CACNA1A: variants seen among roughly 807,000 people sequenced by gnomAD.
The protein encoded by CACNA1A is voltage-dependent P/Q-type calcium channel subunit alpha-1A.
A neutral mutation model predicts 262.4 loss-of-function variants in CACNA1A; 57 were observed. That is an observed-to-expected ratio of 0.22 (90% CI 0.18 to 0.27). CACNA1A has a LOEUF of 0.27. Among genes scored for constraint, CACNA1A ranks in the 10% least tolerant of loss-of-function variants. The probability of loss-of-function intolerance (pLI) is 1.00; values close to 1 mark genes in which losing one functional copy is unlikely to be tolerated. For missense variants in CACNA1A, 2,526 were observed against 3,562.8 expected, an observed-to-expected ratio of 0.71 and a Z score of 7.41; for synonymous variants, 1,431 against 1,419.3, an observed-to-expected ratio of 1.01 and a Z score of -0.18.
chr19:13,207,304 C>A lies in CACNA1A; in HGVS notation c.*9G>T. On this transcript the variant is annotated 3_prime_UTR_variant, in exon 47 of 47. Transcript: ENST00000360228. This position sits in a 1 kb window ranked among gnomAD's most constrained non-coding sequence, Gnocchi z 5.7. ...GTGGGGGGCCGGGCGGGCGCCACCT[C>A]GCCCGGGCTTAGCACCAATCATCGT... 1 of 1,547,464 alleles carries A rather than the reference C, an allele frequency of 6.5e-7. No individual in the cohort carries two copies. The highest frequency in any genetic ancestry group is 8.7e-7 in the Non-Finnish European group (1 of 1,154,110).
chr19:13,439,390 TG>T (rs2060672205), intron 3 of CACNA1A, among the ~76,000 whole-genome samples: 1 of 146,932 alleles, frequency 6.8e-6, no homozygotes, highest in Non-Finnish European at 1.5e-5. Context: ...GTCTGGGTTC[TG>T]GGTTCTTCTT....
chr19:13,417,247 G>A (rs1599409067), intron 3 of CACNA1A, among the ~76,000 whole-genome samples: 1 of 152,180 alleles, frequency 6.6e-6, no homozygotes, highest in Non-Finnish European at 1.5e-5. Context: ...GAGAAGAAGC[G>A]CTGTGTTAAC....
chr19:13,330,958 C>T (rs1471283038), intron 9 of CACNA1A, among the ~76,000 whole-genome samples: 3 of 152,142 alleles, frequency 2.0e-5, no homozygotes, highest in African/African-American at 7.2e-5. Context: ...GTAGCATACT[C>T]GCTAGGCAGG....
intron 3 of CACNA1A, among the ~76,000 whole-genome samples, chr19:13,394,578 C>G (rs1175299484): frequency 1.3e-5 from 2 of 152,164 alleles, no homozygotes; most frequent in African/African-American, 2.4e-5. Context: ...CCTGCTTCTT[C>G]TCTTGAACAA....
chr19:13,421,913 C>T (rs899953833), intron 3 of CACNA1A, among the ~76,000 whole-genome samples: 6 of 152,240 alleles, frequency 3.9e-5, no homozygotes, highest in African/African-American at 4.8e-5. Flanking sequence ...GAAATAATGC[C>T]TATTCTGAGA....
chr19:13,262,569 C>G, intron 25 of CACNA1A, 165 bp downstream of exon 25: 1 of 607,582 alleles, frequency 1.6e-6, no homozygotes, highest in East Asian at 2.8e-5. Context: ...CACTTTACTG[C>G]CATCTGCTGG....
chr19:13,369,234 G>A (rs180817500), intron 4 of CACNA1A, among the ~76,000 whole-genome samples: 245 of 152,170 alleles, frequency 1.6e-3, no homozygotes, highest in Non-Finnish European at 1.0e-3. Context: ...TGCCCTTGGT[G>A]ATCAAAAGCT....
chr19:13,384,798 TGAGTAA>T (rs1343923904), intron 3 of CACNA1A, among the ~76,000 whole-genome samples: 1 of 151,512 alleles, frequency 6.6e-6, no homozygotes, highest in Non-Finnish European at 1.5e-5. Context: ...CGCACAGAGG[TGAGTAA>T]GAGTAAAGGA....
rs933973063 is a variant in CACNA1A at position 13,214,899 on chromosome 19, C to T, written c.5732-291G>A. 1.4e-5 allele frequency: 6 copies of T among 440,916 alleles called. No homozygotes were observed. The highest frequency in any genetic ancestry group is 7.5e-5 in the Admixed American group (2 of 26,838). The allele number at this position is 440,916 out of a possible 1,614,324, so 27.3% of individuals were successfully genotyped here. A position where few individuals can be genotyped will look rare whatever the true frequency, so the allele number is the denominator to read the frequency against. On this transcript the variant is annotated intron_variant, in intron 38 of 46. Transcript: ENST00000360228. The surrounding 1 kb of genome is among the most constrained non-coding windows in gnomAD (Gnocchi z 4.1). Reference sequence around the variant, plus strand: ...GGTCCCAATCTTGTCTCCCAGTTATCGGCTGCATGACTTAGGTTACTCTAC... The same window carrying T: ...GGTCCCAATCTTGTCTCCCAGTTATTGGCTGCATGACTTAGGTTACTCTAC...
chr19:13,321,031 T>TA (rs1190914850), intron 10 of CACNA1A, among the ~76,000 whole-genome samples: 2 of 129,368 alleles, frequency 1.5e-5, no homozygotes, highest in Non-Finnish European at 3.1e-5. Context: ...TTTCCTTTTT[T>TA]TTTTTTTTTC....
intron 19 of CACNA1A, among the ~76,000 whole-genome samples, chr19:13,288,083 G>A (rs866112245): frequency 2.6e-5 from 4 of 152,166 alleles, no homozygotes; most frequent in South Asian, 4.1e-4. Flanking sequence ...GATTACAGGC[G>A]TAAACCACAA....
intron 31 of CACNA1A, among the ~76,000 whole-genome samples, chr19:13,240,612 TGTGTGTGTGCA>T (rs776671347): frequency 1.3e-3 from 203 of 151,092 alleles, no homozygotes; most frequent in Non-Finnish European, 2.3e-3. Context: ...GCGCAGTGAT[TGTGTGTGTGCA>T]GTGTGTGTGC....
chr19:13,293,057 A>G (rs1002613053), intron 19 of CACNA1A, among the ~76,000 whole-genome samples: 1 of 152,168 alleles, frequency 6.6e-6, no homozygotes, highest in South Asian at 2.1e-4. Flanking sequence ...CCTCTGAAGA[A>G]GAGAGGGAGC....
chr19:13,267,140 G>A (rs900897780), intron 24 of CACNA1A, among the ~76,000 whole-genome samples: 4 of 152,080 alleles, frequency 2.6e-5, no homozygotes, highest in Admixed American at 6.5e-5. Flanking sequence ...GAGAGAGAGA[G>A]AGAGAGAAAG....
chr19:13,266,773 C>A (rs751707700), intron 24 of CACNA1A, among the ~76,000 whole-genome samples: 2 of 152,136 alleles, frequency 1.3e-5, no homozygotes, highest in Non-Finnish European at 2.9e-5. Context: ...TGGGGTTTCA[C>A]CATGTTGACC....
chr19:13,265,265 T>A (rs2056834099), intron 24 of CACNA1A, among the ~76,000 whole-genome samples: 1 of 152,200 alleles, frequency 6.6e-6, no homozygotes. Context: ...TTGGAGTATT[T>A]GGGTGGGGAG....
At chr19:13,278,254 C>T (rs1238955624) in intron 22 of CACNA1A, among the ~76,000 whole-genome samples, 4 of 152,090 alleles carry the variant, frequency 2.6e-5, no homozygotes, top group Admixed American at 6.5e-5. Context: ...AAAGTCCTCC[C>T]CGAGGCCCTC....
intron 1 of CACNA1A, among the ~76,000 whole-genome samples, chr19:13,487,646 G>T (rs575278535): frequency 4.9e-5 from 7 of 143,390 alleles, no homozygotes; most frequent in African/African-American, 1.9e-4. Context: ...TTTATGTTAT[G>T]GGAATTTTAT....
chr19:13,442,851 T>G (rs986685548), intron 3 of CACNA1A, among the ~76,000 whole-genome samples: 1 of 152,228 alleles, frequency 6.6e-6, no homozygotes, highest in South Asian at 2.1e-4. Context: ...TGACTTCCCA[T>G]GTCAGAGAGC....
Sources: allele counts gnomAD v4.1 joint callset (sites outside exome capture counted in the v4.1 genomes callset), GRCh38; gene constraint gnomAD v4.1.1; non-coding constraint Gnocchi (gnomAD v3.1); transcripts MANE v1.5; gene names NCBI Gene and HGNC (gene_info 2026-07-23, HGNC 2026-07-21).